The following PLD3 variants were observed in gnomAD, a reference collection of about 807,000 sequenced individuals.
The protein encoded by PLD3 is phospholipase D family member 3.
Under a neutral mutation model 58.4 loss-of-function variants are expected in PLD3, and 31 were observed. The ratio of observed to expected loss-of-function variants is 0.53; its 90% confidence interval spans 0.40 to 0.72. The LOEUF (loss-of-function observed/expected upper bound fraction) is 0.72. Among genes scored for constraint, PLD3 ranks in the 30% least tolerant of loss-of-function variants. The probability of loss-of-function intolerance (pLI) is 0.00; values close to 1 mark genes in which losing one functional copy is unlikely to be tolerated. For synonymous variants in PLD3, 264 were observed against 273.4 expected (o/e 0.97, Z 0.34); for missense variants, 595 against 659.8 (o/e 0.90, Z 1.08).
rs575988555 is a variant in PLD3 at position 40,371,511 on chromosome 19, T to C, written c.679-162T>C. 2.0e-5 allele frequency: 12 copies of C among 594,184 alleles called. 1 individual carries two copies. The highest frequency in any genetic ancestry group is 8.6e-4 in the Middle Eastern group (2 of 2,338). The allele number at this position is 594,184 out of a possible 1,614,324, so 36.8% of individuals were successfully genotyped here. ...GGAGCTTTGGAATAACTGATTTTCA[T>C]CAAAACTTAAGTTGATAATCATTCT... On this transcript the variant is annotated intron_variant, in intron 8 of 12. Transcript: ENST00000409735.
At chr19:40,364,416 G>A (rs1009427092) in intron 1 of PLD3, among the ~76,000 whole-genome samples, 3 of 151,952 alleles carry the variant, frequency 2.0e-5, no homozygotes, top group African/African-American at 7.3e-5. Context: ...ACTTTGGGAG[G>A]CCAAGGTAGG....
intron 1 of PLD3, among the ~76,000 whole-genome samples, chr19:40,363,496 T>A (rs1424503347): frequency 6.6e-6 from 1 of 152,226 alleles, no homozygotes; most frequent in Non-Finnish European, 1.5e-5. Flanking sequence ...AGTGGCGCAA[T>A]CTCAGCTCAC....
intron 8 of PLD3, chr19:40,370,612 A>T (rs2079044176): frequency 5.6e-6 from 1 of 180,146 alleles, no homozygotes; most frequent in African/African-American, 2.4e-5. Context: ...GTTTGAGGCT[A>T]CAGTGGGTTG....
intron 6 of PLD3, among the ~76,000 whole-genome samples, chr19:40,368,287 A>G (rs529386822): frequency 9.2e-5 from 14 of 152,218 alleles, no homozygotes; most frequent in Admixed American, 9.2e-4. Context: ...TTATCTGTAA[A>G]ATGGGGCCAA....
intron 6 of PLD3, 64 bp downstream of exon 6, chr19:40,367,943 G>A: frequency 7.4e-7 from 1 of 1,345,540 alleles, no homozygotes; most frequent in Non-Finnish European, 1.0e-6. Flanking sequence ...GGGGGCTGTG[G>A]GGAATGAAGG....
At chr19:40,352,143 T>TGG (rs1160639212) in intron 1 of PLD3, among the ~76,000 whole-genome samples, 412 of 151,858 alleles carry the variant, frequency 2.7e-3, no homozygotes, top group Non-Finnish European at 4.4e-3. Context: ...CGTTGTGGCT[T>TGG]GTGCCTGTAA....
At chr19:40,374,823 A>T (rs573253630) in intron 10 of PLD3, 2 of 589,788 alleles carry the variant, frequency 3.4e-6, no homozygotes, top group Admixed American at 3.0e-5. Flanking sequence ...CAGAGGAGAC[A>T]GGGATGAGGT....
At chr19:40,372,481 C>A (rs188487685) in intron 9 of PLD3, among the ~76,000 whole-genome samples, 27 of 148,422 alleles carry the variant, frequency 1.8e-4, no homozygotes, top group African/African-American at 6.7e-4. Flanking sequence ...TGGGTGACAG[C>A]CTGTTTCAAA....
chr19:40,352,222 G>A (rs1234176276), intron 1 of PLD3, among the ~76,000 whole-genome samples: 1 of 151,224 alleles, frequency 6.6e-6, no homozygotes, highest in East Asian at 1.9e-4. Flanking sequence ...GCAGTGAGCC[G>A]AGATCACACC....
At chr19:40,373,692 G>T (rs1247105281) in intron 9 of PLD3, among the ~76,000 whole-genome samples, 1 of 151,094 alleles carries the variant, frequency 6.6e-6, no homozygotes, top group Non-Finnish European at 1.5e-5. Flanking sequence ...AATCAGGGAA[G>T]AAAGTGACTC....
intron 2 of PLD3, 80 bp from the exon 3 acceptor site, chr19:40,366,339 C>A: frequency 1.3e-6 from 1 of 764,910 alleles, no homozygotes. Context: ...TGAATAGCCC[C>A]AAGACTAATC....
In PLD3 at chr19:40,367,557, G is replaced by A. The variant is rs117125886; in HGVS notation, c.246-139G>A. On this transcript the variant is annotated intron_variant, in intron 5 of 12. Transcript: ENST00000409735. The stretch of plus-strand genomic sequence containing the variant: ...GATGGCGCCACTGCGCTTCCAGCCT[G>A]GGGGACAGGGCAAGACTCTGTCTCT... 3.9e-4 allele frequency: 264 copies of A among 673,988 alleles called. 1 individual carries two copies. Among genetic ancestry groups the A allele is most frequent in the Non-Finnish European group, 5.8e-4 (241 of 414,492 alleles). The allele number at this position is 673,988 out of a possible 1,614,324, so 41.8% of individuals were successfully genotyped here. A position where few individuals can be genotyped will look rare whatever the true frequency, so the allele number is the denominator to read the frequency against.
intron 11 of PLD3, among the ~76,000 whole-genome samples, chr19:40,377,365 G>GGTCAGGGCTGGGATGGGGA (rs2079252509): frequency 2.5e-5 from 2 of 78,742 alleles, no homozygotes; most frequent in Admixed American, 1.3e-4. Context: ...TGGGATGGGG[G>GGTCAGGGCTGGGATGGGGA]GGCACAGGCA....
chr19:40,350,640 A>C (rs2145653749), intron 1 of PLD3, among the ~76,000 whole-genome samples: 1 of 151,738 alleles, frequency 6.6e-6, no homozygotes, highest in Non-Finnish European at 1.5e-5. Context: ...GCAACTCGGG[A>C]GGCTGAGGTG....
At chr19:40,350,278 A>G (rs1176250521) in intron 1 of PLD3, among the ~76,000 whole-genome samples, 1 of 151,922 alleles carries the variant, frequency 6.6e-6, no homozygotes, top group African/African-American at 2.4e-5. Flanking sequence ...AAAAAAAAAA[A>G]AAAAACTGCA....
chr19:40,377,281 C>T (rs370066324), intron 11 of PLD3, among the ~76,000 whole-genome samples: 5 of 11,798 alleles, frequency 4.2e-4, no homozygotes, highest in East Asian at 0.02. Flanking sequence ...GTAGAGGGGT[C>T]GGGGCTGGGG....
chr19:40,350,460 C>A (rs1369052553), intron 1 of PLD3, among the ~76,000 whole-genome samples: 1 of 151,582 alleles, frequency 6.6e-6, no homozygotes, highest in East Asian at 2.0e-4. Flanking sequence ...ACAAAAATAT[C>A]TCGGCCTGGC....
intron 12 of PLD3, 22 bp from the exon 13 acceptor site, chr19:40,377,964 T>A (rs1221146400): frequency 6.2e-7 from 1 of 1,612,498 alleles, no homozygotes; most frequent in Non-Finnish European, 8.5e-7. Context: ...GGTGCCCTTA[T>A]GCTCCACCCA....
intron 8 of PLD3, among the ~76,000 whole-genome samples, chr19:40,371,300 T>G (rs932621086): frequency 1.3e-5 from 2 of 152,166 alleles, no homozygotes; most frequent in African/African-American, 4.8e-5. Context: ...GACCAGTTTG[T>G]CACCAGAAAG....
Sources: allele counts gnomAD v4.1 joint callset (sites outside exome capture counted in the v4.1 genomes callset), GRCh38; gene constraint gnomAD v4.1.1; transcripts MANE v1.5; gene names NCBI Gene and HGNC (gene_info 2026-07-23, HGNC 2026-07-21).